Variants in WAPL observed in about 807,000 individuals in gnomAD.
WAPL encodes the protein WAPL cohesin release factor, also known as wings apart-like protein homolog.
WAPL carries 5 observed loss-of-function variants against 121.0 expected under a neutral mutation model. The observed-to-expected ratio is 0.04, with a 90% CI of 0.02 to 0.09. WAPL has a LOEUF of 0.09. Ranked by LOEUF, WAPL falls within the 10% of genes least tolerant of loss-of-function variation. The pLI is 1.00. For missense variants in WAPL, 999 were observed against 1,410.8 expected (o/e 0.71, Z 4.68); for synonymous variants, 480 against 481.5 (o/e 1.00, Z 0.04).
intron 4 of WAPL, among the ~76,000 whole-genome samples, chr10:86,487,662 G>A (rs1196730553): frequency 2.0e-5 from 3 of 152,210 alleles, no homozygotes; most frequent in East Asian, 1.9e-4. Flanking sequence ...AGGCCGAGGC[G>A]GGTGGATCAC....
At chr10:86,441,930 A>G (rs1023200930) in intron 17 of WAPL, among the ~76,000 whole-genome samples, 1 of 152,240 alleles carries the variant, frequency 6.6e-6, no homozygotes, top group Non-Finnish European at 1.5e-5. Context: ...AGACTCTGCC[A>G]TCTTGTTTAA....
At chr10:86,503,916 T>C (rs1842293871) in intron 2 of WAPL, among the ~76,000 whole-genome samples, 1 of 152,252 alleles carries the variant, frequency 6.6e-6, no homozygotes, top group South Asian at 2.1e-4. Flanking sequence ...AGGCCTATAA[T>C]GCCGGCTCTT....
rs751383238 is a variant in WAPL at position 86,487,725 on chromosome 10, C to T, written c.1644+9476G>A. ...CTAACACGGTGAAACCCCACCTCTA[C>T]TAAAAAATACCAAAAAAAAATTAGC... On this transcript the variant is annotated intron_variant, in intron 4 of 18. Transcript: ENST00000298767. 3.6e-4 allele frequency among the ~76,000 whole-genome samples: 55 copies of T among 152,068 alleles called. 1 individual carries two copies. Among genetic ancestry groups the T allele is most frequent in the Middle Eastern group, 3.4e-3 (1 of 292 alleles).
intron 8 of WAPL, among the ~76,000 whole-genome samples, chr10:86,469,079 G>A (rs918443615): frequency 7.2e-5 from 11 of 151,726 alleles, no homozygotes; most frequent in Non-Finnish European, 1.6e-4. Context: ...ACTCCAGCCT[G>A]GGCGACAGAG....
At chr10:86,447,916 C>T (rs1323047861) in intron 15 of WAPL, among the ~76,000 whole-genome samples, 1 of 151,782 alleles carries the variant, frequency 6.6e-6, no homozygotes, top group South Asian at 2.1e-4. Context: ...GGCGTGGTGG[C>T]GCAAGCTTGT....
chr10:86,448,480 T>C (rs1840891878), intron 15 of WAPL, among the ~76,000 whole-genome samples: 1 of 152,156 alleles, frequency 6.6e-6, no homozygotes, highest in Non-Finnish European at 1.5e-5. Flanking sequence ...AAGCTACTAG[T>C]TTGCAGTCAT....
At chr10:86,501,658 A>G (rs780337006) in intron 2 of WAPL, among the ~76,000 whole-genome samples, 3 of 152,236 alleles carry the variant, frequency 2.0e-5, no homozygotes, top group Non-Finnish European at 4.4e-5. Context: ...GATTCACTGC[A>G]TAATTTTTAA....
chr10:86,453,487 C>A, intron 13 of WAPL, 152 bp from the exon 14 acceptor site: 1 of 1,180,796 alleles, frequency 8.5e-7, no homozygotes, highest in Non-Finnish European at 1.2e-6. Context: ...AGCTACTAGG[C>A]TTCTAAAAAT....
intron 2 of WAPL, among the ~76,000 whole-genome samples, chr10:86,515,737 G>A (rs1454654117): frequency 6.6e-6 from 1 of 151,946 alleles, no homozygotes; most frequent in Non-Finnish European, 1.5e-5. Flanking sequence ...AGGCAAGACT[G>A]CGCCACTGTA....
At chr10:86,495,462 C>CA (rs888514373) in intron 4 of WAPL, among the ~76,000 whole-genome samples, 15 of 142,138 alleles carry the variant, frequency 1.1e-4, no homozygotes, top group Admixed American at 3.6e-4. Flanking sequence ...GAGACCATCT[C>CA]AAAAAAAAAA....
intron 2 of WAPL, among the ~76,000 whole-genome samples, 182 bp from the exon 3 acceptor site, chr10:86,500,925 G>A (rs1217633870): frequency 6.6e-6 from 1 of 152,100 alleles, no homozygotes; most frequent in Non-Finnish European, 1.5e-5. Context: ...TCAGTGTATA[G>A]CTCTCATGCC....
intron 12 of WAPL, among the ~76,000 whole-genome samples, chr10:86,458,671 C>T (rs1172786826): frequency 2.6e-5 from 4 of 151,914 alleles, no homozygotes; most frequent in Non-Finnish European, 1.5e-5. Flanking sequence ...ATATTTCTTA[C>T]AAACATACAA....
chr10:86,463,990 C>T (rs1841344207), intron 9 of WAPL, among the ~76,000 whole-genome samples: 1 of 152,158 alleles, frequency 6.6e-6, no homozygotes, highest in African/African-American at 2.4e-5. Context: ...CTGATGTTCA[C>T]ACAGCAACAA....
intron 1 of WAPL, among the ~76,000 whole-genome samples, chr10:86,519,291 C>A (rs1421096247): frequency 6.6e-6 from 1 of 152,162 alleles, no homozygotes; most frequent in Non-Finnish European, 1.5e-5. Context: ...ACAGTTCAAA[C>A]ATGAATACAT....
chr10:86,487,328 T>C (rs957386383), intron 4 of WAPL, among the ~76,000 whole-genome samples: 1 of 152,136 alleles, frequency 6.6e-6, no homozygotes, highest in Non-Finnish European at 1.5e-5. Flanking sequence ...TGAACGAAAG[T>C]ACCAAGAACT....
intron 16 of WAPL, among the ~76,000 whole-genome samples, chr10:86,445,682 G>A (rs982444064): frequency 6.6e-6 from 1 of 151,914 alleles, no homozygotes; most frequent in African/African-American, 2.4e-5. Flanking sequence ...GTGCCACCAT[G>A]CCAGGCTAAT....
At chr10:86,503,480 T>C (rs1283126700) in intron 2 of WAPL, among the ~76,000 whole-genome samples, 1 of 151,480 alleles carries the variant, frequency 6.6e-6, no homozygotes, top group Non-Finnish European at 1.5e-5. Context: ...TCGCCGGGTG[T>C]GGTGGCTCAT....
intron 12 of WAPL, among the ~76,000 whole-genome samples, chr10:86,457,706 A>C (rs1423244644): frequency 6.6e-6 from 1 of 152,098 alleles, no homozygotes; most frequent in South Asian, 2.1e-4. Context: ...CAAATCCAAG[A>C]CAAAAAAAGG....
At chr10:86,473,360 A>G (rs1327214009) in intron 5 of WAPL, among the ~76,000 whole-genome samples, 1 of 152,186 alleles carries the variant, frequency 6.6e-6, no homozygotes, top group African/African-American at 2.4e-5. Flanking sequence ...AGATGACTGA[A>G]GCTTTACTGT....
Sources: gnomAD v4.1 joint callset for allele counts (sites outside exome capture counted in the v4.1 genomes callset) on GRCh38, gnomAD v4.1.1 for gene constraint, MANE v1.5 for transcripts, NCBI Gene and HGNC (gene_info 2026-07-23, HGNC 2026-07-21) for gene names.